The following ZC3H13 variants were observed in gnomAD, a reference collection of about 807,000 sequenced individuals.
The protein encoded by ZC3H13 is zinc finger CCCH domain-containing protein 13.
In ZC3H13, 64 loss-of-function variants were observed where a neutral mutation model predicts 204.1. That is an observed-to-expected ratio of 0.31 (90% CI 0.26 to 0.39). The LOEUF is 0.39. Among genes scored for constraint, ZC3H13 ranks in the 10% least tolerant of loss-of-function variants. The probability of loss-of-function intolerance (pLI) is 1.00; values close to 1 mark genes in which losing one functional copy is unlikely to be tolerated. For synonymous variants in ZC3H13, 667 were observed against 693.7 expected, an observed-to-expected ratio of 0.96 and a Z score of 0.60; for missense variants, 1,833 against 2,082.7, an observed-to-expected ratio of 0.88 and a Z score of 2.33.
chr13:46,002,727 C>T (rs1179091667), intron 8 of ZC3H13, among the ~76,000 whole-genome samples: 1 of 152,022 alleles, frequency 6.6e-6, no homozygotes, highest in Non-Finnish European at 1.5e-5. Context: ...GTCAAATTCA[C>T]AGAAACAAAA....
At chr13:45,999,058 C>T (rs1013355579) in intron 8 of ZC3H13, among the ~76,000 whole-genome samples, 35 of 152,106 alleles carry the variant, frequency 2.3e-4, no homozygotes, top group African/African-American at 7.5e-4. Flanking sequence ...GACAACATAG[C>T]GAGACCTCAT....
intron 4 of ZC3H13, among the ~76,000 whole-genome samples, chr13:46,029,958 G>A (rs375449491): frequency 2.0e-5 from 3 of 152,188 alleles, no homozygotes; most frequent in South Asian, 4.1e-4. Context: ...AACATGTTAT[G>A]CAAATTAGAT....
At position 45,975,749 on chromosome 13, in the gene ZC3H13, C is replaced by T. The variant is rs1340133512; in HGVS notation, c.2002G>A (p.Val668Met). 6.2e-7 allele frequency: 1 copy of T among 1,613,964 alleles called. No homozygotes were observed. The highest frequency in any genetic ancestry group is 1.7e-5 in the Admixed American group (1 of 60,004). The change falls in exon 12 of 19, where the codon GTG becomes ATG. Residue 668 changes from valine (V) to methionine (M), a missense_variant. Val to Met is a conservative substitution (Grantham distance 21, BLOSUM62 1). This residue lies in a region of ZC3H13 where 1,574 missense variants were observed against 1,757.2 expected (regional missense o/e 0.90). Coordinates refer to ENST00000679008, the MANE Select transcript of ZC3H13 (RefSeq NM_001330564.2). ...GCCCTTTCATCTCTCCTATCATCCA[C>T]TCTGTCTACTCTTCGTTCCTCTCTT... Reference protein sequence around the residue: ...ERREERRVDRVDDRRDERARE... With the variant: ...ERREERRVDRMDDRRDERARE...
At chr13:45,974,310 T>C (rs1012905502) in intron 12 of ZC3H13, among the ~76,000 whole-genome samples, 2 of 152,176 alleles carry the variant, frequency 1.3e-5, no homozygotes, top group Non-Finnish European at 2.9e-5. Flanking sequence ...AGAGGACTGC[T>C]AAGCTGACAG....
chr13:46,037,264 T>TAA (rs2043268094), intron 4 of ZC3H13, among the ~76,000 whole-genome samples: 1 of 152,272 alleles, frequency 6.6e-6, no homozygotes, highest in Admixed American at 6.5e-5. Flanking sequence ...AAAATAAACT[T>TAA]AGACCACTGC....
intron 7 of ZC3H13, among the ~76,000 whole-genome samples, chr13:46,004,559 A>G (rs1217462941): frequency 6.6e-6 from 1 of 152,126 alleles, no homozygotes; most frequent in Non-Finnish European, 1.5e-5. Flanking sequence ...TTTTTTTTAA[A>G]AAAGCAGATT....
chr13:46,045,509 T>G lies in ZC3H13; in HGVS notation c.-2A>C, dbSNP rs369466897. On this transcript the variant is annotated 5_prime_UTR_variant, in exon 2 of 19. Coordinates refer to ENST00000679008, the MANE Select transcript of ZC3H13 (RefSeq NM_001330564.2). ...GACCTTCCTTCTAATTTTTGACATT[T>G]TGTACTACTTCAACCAAAAAAGAAA... The G allele has an allele frequency of 8.1e-6, 13 of 1,611,260 alleles. No homozygotes were observed. Among genetic ancestry groups the G allele is most frequent in the Non-Finnish European group, 8.5e-6 (10 of 1,177,550 alleles).
At chr13:46,000,085 A>G (rs763346762) in intron 8 of ZC3H13, among the ~76,000 whole-genome samples, 1 of 152,170 alleles carries the variant, frequency 6.6e-6, no homozygotes, top group Non-Finnish European at 1.5e-5. Context: ...TCCACTTAAG[A>G]GCACAGGCAA....
intron 11 of ZC3H13, among the ~76,000 whole-genome samples, chr13:45,979,407 TG>T (rs1953355349): frequency 6.6e-6 from 1 of 152,172 alleles, no homozygotes; most frequent in South Asian, 2.1e-4. Flanking sequence ...TGTTCCTTTC[TG>T]GAAGTCCTTA....
At chr13:46,006,525 T>C (rs1218886435) in intron 7 of ZC3H13, among the ~76,000 whole-genome samples, 5 of 151,238 alleles carry the variant, frequency 3.3e-5, no homozygotes, top group African/African-American at 9.7e-5. Context: ...GTGTAAGCCA[T>C]CTGCTCAGAG....
intron 1 of ZC3H13, among the ~76,000 whole-genome samples, chr13:46,051,048 C>T (rs1471452954): frequency 6.6e-6 from 1 of 152,068 alleles, no homozygotes; most frequent in Admixed American, 6.5e-5. Context: ...CACTGAAAAC[C>T]AACTCTCTAA....
chr13:46,033,077 G>A (rs1044136384), intron 4 of ZC3H13, among the ~76,000 whole-genome samples: 9 of 152,040 alleles, frequency 5.9e-5, no homozygotes, highest in Non-Finnish European at 1.0e-4. Context: ...GCAATCATGG[G>A]ACAGAAGTTA....
In ZC3H13 at chr13:45,985,515, G is replaced by A; in HGVS notation, c.1502C>T (p.Thr501Ile). ...GTCCCTGTAGTCATGGGCATCACGA[G>A]TGGACCGAGAATCTCTGGGATCACG... The part of the protein sequence containing the change: ...ESRDPRDSRS[T>I]RDAHDYRDRE... The change falls in exon 10 of 19, where the codon ACT (threonine) becomes ATT (isoleucine). Residue 501 changes from threonine (T) to isoleucine (I), a missense_variant. This residue lies in a region of ZC3H13 where 1,574 missense variants were observed against 1,757.2 expected (regional missense o/e 0.90). Transcript: ENST00000679008. The A allele has an allele frequency of 6.2e-7, 1 of 1,614,208 alleles. No homozygotes were observed. Among genetic ancestry groups the A allele is most frequent in the South Asian group, 1.1e-5 (1 of 91,086 alleles).
At chr13:46,044,001 G>A (rs897424164) in intron 3 of ZC3H13, among the ~76,000 whole-genome samples, 9 of 151,674 alleles carry the variant, frequency 5.9e-5, no homozygotes, top group Non-Finnish European at 4.4e-5. Flanking sequence ...CCACATTAAC[G>A]GAAGTGACAA....
rs374785655 is a variant in ZC3H13, at chr13:46,045,091, T to C, written c.118-27A>G. On this transcript the variant is annotated intron_variant, in intron 2 of 18. Transcript: ENST00000679008. ...TAAGAGACAGATATTACTATGTAAA[T>C]TTCATATTTATTTCTGGAAAAAAAA... 2.6e-6 allele frequency: 4 copies of C among 1,553,988 alleles called. No individual in the cohort carries two copies. In the African/African-American group the frequency reaches 5.6e-5, roughly 22 times the overall value.
intron 10 of ZC3H13, among the ~76,000 whole-genome samples, chr13:45,984,057 C>T (rs1953950325): frequency 6.6e-6 from 1 of 152,174 alleles, no homozygotes; most frequent in Admixed American, 6.5e-5. Flanking sequence ...GCAGCACTTG[C>T]TGACTTTATG....
At chr13:45,992,845 G>GT (rs2040061546) in intron 8 of ZC3H13, among the ~76,000 whole-genome samples, 1 of 152,070 alleles carries the variant, frequency 6.6e-6, no homozygotes, top group African/African-American at 2.4e-5. Context: ...TGAGCTGAAC[G>GT]TTGATCTACC....
In ZC3H13 at chr13:45,965,349, C is replaced by T; in HGVS notation, c.4405G>A (p.Glu1469Lys). 1 of 1,613,680 alleles carries T rather than the reference C, an allele frequency of 6.2e-7. No homozygotes were observed. Among genetic ancestry groups the T allele is most frequent in the East Asian group, 2.2e-5 (1 of 44,838 alleles). Reference sequence around the variant, plus strand: ...TCACCTGCCAGAATTTCATCTAGTTCGTCATCACTGATTGGCTCGTATCCT... The same window carrying T: ...TCACCTGCCAGAATTTCATCTAGTTTGTCATCACTGATTGGCTCGTATCCT... The part of the protein sequence containing the change: ...GEGYEPISDD[E>K]LDEILAGDAE... The change falls in exon 16 of 19, where the codon GAA (glutamate) becomes AAA (lysine). Residue 1469 changes from glutamate to lysine, a missense_variant. Glu to Lys is a moderately conservative substitution (Grantham distance 56). Coordinates refer to ENST00000679008, the MANE Select transcript of ZC3H13 (RefSeq NM_001330564.2).
intron 7 of ZC3H13, 113 bp from the exon 8 acceptor site, chr13:46,003,449 G>T: frequency 2.2e-6 from 2 of 922,696 alleles, no homozygotes; most frequent in Non-Finnish European, 1.6e-6. Flanking sequence ...TTATTATTTT[G>T]TATACTACTA....
Sources: allele counts gnomAD v4.1 joint callset (sites outside exome capture counted in the v4.1 genomes callset), GRCh38; gene constraint gnomAD v4.1.1; regional missense constraint gnomAD v4.1.1; transcripts MANE v1.5; gene names NCBI Gene and HGNC (gene_info 2026-07-23, HGNC 2026-07-21).